Variants in GPHN observed in about 807,000 individuals in gnomAD.
GPHN encodes gephyrin.
Under a neutral mutation model 95.5 loss-of-function variants are expected in GPHN, and 17 were observed. The ratio of observed to expected loss-of-function variants is 0.18; its 90% confidence interval spans 0.12 to 0.27. GPHN has a LOEUF of 0.27. Among genes scored for constraint, GPHN ranks in the 10% least tolerant of loss-of-function variants. The pLI is 1.00. For missense variants in GPHN, 660 were observed against 978.1 expected (o/e 0.67, Z 4.34); for synonymous variants, 320 against 322.5 (o/e 0.99, Z 0.08).
chr14:67,560,320 C>A, the GPHN span, among the ~76,000 whole-genome samples: 1 of 152,204 alleles, frequency 6.6e-6, no homozygotes, highest in South Asian at 2.1e-4. Context: ...AACCACCGTG[C>A]CCTGCTACTT....
the GPHN span, chr14:67,724,648 G>A: frequency 7.6e-7 from 1 of 1,308,534 alleles, no homozygotes; most frequent in Non-Finnish European, 1.1e-6. Flanking sequence ...TCTTCCCACT[G>A]GGGCCTCTGT....
chr14:67,613,915 A>C, the GPHN span: 2 of 152,392 alleles, frequency 1.3e-5, no homozygotes, highest in African/African-American at 4.8e-5. Context: ...GATGAAATAA[A>C]TTTGTTATAA....
At chr14:66,559,952 C>G (rs1031848181) in intron 1 of GPHN, among the ~76,000 whole-genome samples, 1 of 152,072 alleles carries the variant, frequency 6.6e-6, no homozygotes, top group Non-Finnish European at 1.5e-5. Flanking sequence ...TCAGCTTTCT[C>G]CATATGGCTA....
At chr14:67,681,249 A>G in the GPHN span, among the ~76,000 whole-genome samples, 1 of 152,240 alleles carries the variant, frequency 6.6e-6, no homozygotes, top group Non-Finnish European at 1.5e-5. Context: ...GCCTCACCAG[A>G]GACCAACCAG....
At chr14:66,674,192 G>A (rs183948501) in intron 1 of GPHN, among the ~76,000 whole-genome samples, 8 of 150,904 alleles carry the variant, frequency 5.3e-5, no homozygotes, top group East Asian at 3.9e-4. Flanking sequence ...TCTGCCTCCC[G>A]GGTTCATGCC....
chr14:66,843,701 C>G (rs1315166359), intron 4 of GPHN, among the ~76,000 whole-genome samples: 1 of 152,154 alleles, frequency 6.6e-6, no homozygotes, highest in Non-Finnish European at 1.5e-5. Flanking sequence ...GTCCAAACAT[C>G]TTAGAAATAG....
At chr14:67,578,333 T>G in the GPHN span, 1 of 817,584 alleles carries the variant, frequency 1.2e-6, no homozygotes, top group Non-Finnish European at 2.0e-6. This position sits in a 1 kb window ranked among gnomAD's most constrained non-coding sequence, Gnocchi z 5.0. Flanking sequence ...CCAAGCTGCA[T>G]CAGTACGGCT....
At chr14:67,529,844 A>G in the GPHN span, among the ~76,000 whole-genome samples, 2 of 152,136 alleles carry the variant, frequency 1.3e-5, no homozygotes, top group African/African-American at 2.4e-5. Flanking sequence ...GACTGGCCCC[A>G]AGTTTCCTGG....
At chr14:67,009,065 A>G (rs1410639575) in intron 9 of GPHN, among the ~76,000 whole-genome samples, 1 of 152,160 alleles carries the variant, frequency 6.6e-6, no homozygotes, top group African/African-American at 2.4e-5. Context: ...TTCTCACTGC[A>G]GTTTCCTACA....
intron 4 of GPHN, among the ~76,000 whole-genome samples, chr14:66,837,971 C>G (rs2061921890): frequency 6.6e-6 from 1 of 151,994 alleles, no homozygotes; most frequent in Non-Finnish European, 1.5e-5. Flanking sequence ...AATTACAGTT[C>G]TAACTAGAAA....
At chr14:67,160,129 A>G (rs2081885691) in intron 19 of GPHN, among the ~76,000 whole-genome samples, 1 of 152,116 alleles carries the variant, frequency 6.6e-6, no homozygotes, top group Non-Finnish European at 1.5e-5. Context: ...GACTCAGTGT[A>G]TTTGTTTGTT....
At chr14:67,545,627 T>C in the GPHN span, among the ~76,000 whole-genome samples, 2 of 152,224 alleles carry the variant, frequency 1.3e-5, no homozygotes, top group African/African-American at 4.8e-5. Flanking sequence ...GCAGCATTGA[T>C]GTATGAAAAT....
At chr14:67,000,331 C>T (rs1385802954) in intron 9 of GPHN, among the ~76,000 whole-genome samples, 1 of 151,578 alleles carries the variant, frequency 6.6e-6, no homozygotes, top group Non-Finnish European at 1.5e-5. Context: ...ACTTTAAACA[C>T]CATACCATTT....
chr14:66,664,051 C>T (rs537098210), intron 1 of GPHN, among the ~76,000 whole-genome samples: 2 of 152,272 alleles, frequency 1.3e-5, no homozygotes, highest in East Asian at 3.9e-4. Flanking sequence ...TAACACCGCA[C>T]TGACAATATT....
chr14:66,659,151 G>A (rs1215962013), intron 1 of GPHN, among the ~76,000 whole-genome samples: 2 of 150,244 alleles, frequency 1.3e-5, no homozygotes, highest in Admixed American at 6.6e-5. Flanking sequence ...TTTTTTTTCA[G>A]TTTACAGAGT....
At chr14:66,517,474 G>A (rs1376733023) in intron 1 of GPHN, among the ~76,000 whole-genome samples, 1 of 152,100 alleles carries the variant, frequency 6.6e-6, no homozygotes, top group Non-Finnish European at 1.5e-5. Flanking sequence ...AAAGGACCTG[G>A]AATAGCCAAA....
the GPHN span, among the ~76,000 whole-genome samples, chr14:67,695,005 C>T: frequency 2.0e-5 from 3 of 152,222 alleles, no homozygotes; most frequent in Non-Finnish European, 2.9e-5. Flanking sequence ...TACCTTCCCA[C>T]CATTCTCCCA....
In GPHN at chr14:66,636,772, T is replaced by C. The variant is rs193083982; in HGVS notation, c.65-44335T>C. Among the ~76,000 whole-genome samples, 195 of 152,280 alleles carry C rather than the reference T, an allele frequency of 1.3e-3. 2 individuals carry two copies. Among genetic ancestry groups the C allele is most frequent in the Admixed American group, 3.3e-3 (50 of 15,296 alleles). On this transcript the variant is annotated intron_variant, in intron 1 of 22. Coordinates refer to ENST00000478722, the MANE Select transcript of GPHN (RefSeq NM_020806.5). ...GATTTCAGCAAAGTTTCTGAAAAGA[T>C]AATTAACAAGCAGGCTGGTTTATAG...
At chr14:67,702,617 AAAGCCAG>A in the GPHN span, among the ~76,000 whole-genome samples, 5 of 152,224 alleles carry the variant, frequency 3.3e-5, no homozygotes, top group African/African-American at 9.6e-5. Context: ...TAATAATTTT[AAAGCCAG>A]TTTATTTATT....
Sources: gnomAD v4.1 joint callset for allele counts (sites outside exome capture counted in the v4.1 genomes callset) on GRCh38, gnomAD v4.1.1 for gene constraint, Gnocchi (gnomAD v3.1) non-coding constraint, MANE v1.5 for transcripts, NCBI Gene and HGNC (gene_info 2026-07-23, HGNC 2026-07-21) for gene names.